The following ADCK1 variants were observed in gnomAD, a reference collection of about 807,000 sequenced individuals.
The protein encoded by ADCK1 is aarF domain-containing protein kinase 1.
Under a neutral mutation model 52.3 loss-of-function variants are expected in ADCK1, and 41 were observed. That is an observed-to-expected ratio of 0.78 (90% CI 0.61 to 1.02). The LOEUF (loss-of-function observed/expected upper bound fraction) is 1.02. Among genes scored for constraint, ADCK1 ranks in the 50% least tolerant of loss-of-function variants. ADCK1 has a pLI of 0.00. For missense variants in ADCK1, 658 were observed against 679.5 expected (o/e 0.97, Z 0.35); for synonymous variants, 250 against 274.6 (o/e 0.91, Z 0.89).
intron 5 of ADCK1, among the ~76,000 whole-genome samples, chr14:77,893,567 G>T (rs373642151): frequency 2.0e-5 from 3 of 151,968 alleles, no homozygotes; most frequent in African/African-American, 7.3e-5. Context: ...GCTATGTTGG[G>T]GTGGGACTCT....
intron 4 of ADCK1, among the ~76,000 whole-genome samples, chr14:77,875,147 G>A (rs774754995): frequency 6.6e-6 from 1 of 152,152 alleles, no homozygotes; most frequent in African/African-American, 2.4e-5. Flanking sequence ...GGCAAAATGG[G>A]GCGGTGGCTT....
At position 77,933,273 on chromosome 14, in the gene ADCK1, G is replaced by A. The variant is rs2084381417; in HGVS notation, c.1454G>A (p.Ser485Asn). The stretch of plus-strand genomic sequence containing the variant: ...TTCAGAAGGACCCAGATCTCTTTCA[G>A]CGAGGCCTTCAACTTATGGCAGATC... The part of the protein sequence containing the change: ...SFFRRTQISF[S>N]EAFNLWQINL... The change falls in exon 11 of 11, where the codon AGC becomes AAC. Residue 485 changes from serine to asparagine, a missense_variant. Ser to Asn is a conservative substitution (Grantham distance 46, BLOSUM62 1). Transcript: ENST00000238561. 3.7e-6 allele frequency: 6 copies of A among 1,614,148 alleles called. No homozygotes were observed. In the East Asian group the frequency reaches 1.3e-4, roughly 36 times the overall value.
At chr14:77,891,626 A>C (rs2140219788) in intron 5 of ADCK1, among the ~76,000 whole-genome samples, 1 of 152,298 alleles carries the variant, frequency 6.6e-6, no homozygotes, top group South Asian at 2.1e-4. Context: ...CAGAGTACAG[A>C]GTGGCTCCTT....
intron 9 of ADCK1, among the ~76,000 whole-genome samples, chr14:77,926,233 C>T (rs1377573729): frequency 6.6e-6 from 1 of 152,232 alleles, no homozygotes; most frequent in Non-Finnish European, 1.5e-5. Context: ...CATAATAACT[C>T]AGACTTCTGT....
At chr14:77,855,634 C>A (rs762437266) in intron 3 of ADCK1, among the ~76,000 whole-genome samples, 4 of 152,082 alleles carry the variant, frequency 2.6e-5, no homozygotes, top group African/African-American at 4.8e-5. Flanking sequence ...AGAAAAGAGA[C>A]CTTGCGGACA....
intron 3 of ADCK1, among the ~76,000 whole-genome samples, chr14:77,857,095 G>C (rs1252034747): frequency 1.3e-5 from 2 of 152,192 alleles, no homozygotes; most frequent in African/African-American, 4.8e-5. Flanking sequence ...GTCGGGAGGT[G>C]GGCGGATGGG....
At chr14:77,807,732 C>G (rs945833063) in intron 1 of ADCK1, among the ~76,000 whole-genome samples, 2 of 151,920 alleles carry the variant, frequency 1.3e-5, no homozygotes, top group Non-Finnish European at 2.9e-5. Flanking sequence ...TGGTCTTGAA[C>G]TCCCGATCTC....
intron 7 of ADCK1, among the ~76,000 whole-genome samples, chr14:77,916,394 G>C (rs2083925599): frequency 6.6e-6 from 1 of 152,058 alleles, no homozygotes; most frequent in African/African-American, 2.4e-5. Context: ...TAGGTACCTA[G>C]AAGCTCCAAA....
chr14:77,848,704 G>C (rs1002035045), intron 3 of ADCK1, among the ~76,000 whole-genome samples: 4 of 152,104 alleles, frequency 2.6e-5, no homozygotes, highest in African/African-American at 9.7e-5. Context: ...GACCTCAGGT[G>C]ATCCTCTCAC....
chr14:77,835,817 G>A (rs72688851), intron 3 of ADCK1, among the ~76,000 whole-genome samples: 5 of 152,236 alleles, frequency 3.3e-5, no homozygotes, highest in Non-Finnish European at 7.4e-5. Flanking sequence ...TGTATTTTTT[G>A]TAGAGACAAG....
At chr14:77,837,633 A>G (rs2081988839) in intron 3 of ADCK1, among the ~76,000 whole-genome samples, 1 of 152,174 alleles carries the variant, frequency 6.6e-6, no homozygotes, top group Non-Finnish European at 1.5e-5. Flanking sequence ...CCGGCTCACT[A>G]ATCTGGACTG....
chr14:77,928,947 A>C (rs1256270027), intron 9 of ADCK1, among the ~76,000 whole-genome samples: 2 of 152,108 alleles, frequency 1.3e-5, no homozygotes, highest in Admixed American at 6.5e-5. Context: ...TAACTCTCCA[A>C]CTATGTGGTG....
At chr14:77,850,456 C>T (rs1055964870) in intron 3 of ADCK1, among the ~76,000 whole-genome samples, 4 of 151,994 alleles carry the variant, frequency 2.6e-5, no homozygotes, top group African/African-American at 4.8e-5. Context: ...AGTTTTTTTA[C>T]GTCATGTATT....
intron 7 of ADCK1, among the ~76,000 whole-genome samples, chr14:77,913,004 G>T (rs1306647825): frequency 2.0e-5 from 3 of 152,174 alleles, no homozygotes; most frequent in African/African-American, 7.2e-5. Context: ...TGTGGAACTA[G>T]CTAGGCTCTA....
chr14:77,934,396 A>G lies in ADCK1; in HGVS notation c.*1005A>G, dbSNP rs1018551521. 1 of 152,054 alleles carries G rather than the reference A, an allele frequency of 6.6e-6. No homozygotes were observed. Among genetic ancestry groups the G allele is most frequent in the Non-Finnish European group, 1.5e-5 (1 of 68,028 alleles). The allele number at this position is 152,054 out of a possible 1,614,324, so 9.4% of individuals were successfully genotyped here. ...TTGTTTTTCTGTGACCTGGGTACCA[A>G]CCTTGTTCTACTGTTTCCTGACTTA... On this transcript the variant is annotated 3_prime_UTR_variant, in exon 11 of 11. Coordinates refer to ENST00000238561, the MANE Select transcript of ADCK1 (RefSeq NM_020421.4).
intron 10 of ADCK1, 61 bp downstream of exon 10, chr14:77,931,772 G>A: frequency 6.5e-7 from 1 of 1,533,206 alleles, no homozygotes; most frequent in East Asian, 2.3e-5. Context: ...CAGGGGTCCT[G>A]CTTTTGCTGC....
chr14:77,874,184 T>A (rs1340895485), intron 4 of ADCK1, among the ~76,000 whole-genome samples: 1 of 152,196 alleles, frequency 6.6e-6, no homozygotes, highest in Non-Finnish European at 1.5e-5. Flanking sequence ...CATGGGCTGC[T>A]TTGCTTGAGT....
intron 1 of ADCK1, among the ~76,000 whole-genome samples, chr14:77,807,278 C>T (rs1241711663): frequency 6.7e-5 from 10 of 149,046 alleles, no homozygotes; most frequent in East Asian, 2.0e-4. Context: ...CCATGTTAGC[C>T]GGGATGGTCT....
intron 5 of ADCK1, among the ~76,000 whole-genome samples, chr14:77,890,485 G>A (rs1215517050): frequency 6.6e-6 from 1 of 152,216 alleles, no homozygotes; most frequent in African/African-American, 2.4e-5. Flanking sequence ...TCTTTTGGAT[G>A]AAGCAGTCAC....
Sources: allele counts gnomAD v4.1 joint callset (sites outside exome capture counted in the v4.1 genomes callset), GRCh38; gene constraint gnomAD v4.1.1; transcripts MANE v1.5; gene names NCBI Gene and HGNC (gene_info 2026-07-23, HGNC 2026-07-21).